The following SLC24A2 variants were observed in gnomAD, a reference collection of about 807,000 sequenced individuals.
SLC24A2 encodes sodium/potassium/calcium exchanger 2.
In SLC24A2, 36 loss-of-function variants were observed where a neutral mutation model predicts 62.0. That is an observed-to-expected ratio of 0.58 (90% CI 0.44 to 0.77). SLC24A2 has a LOEUF of 0.77. SLC24A2 is among the 30% of genes least tolerant of loss of function. The probability of loss-of-function intolerance (pLI) is 0.00; values close to 1 mark genes in which losing one functional copy is unlikely to be tolerated. For missense variants in SLC24A2, 846 were observed against 817.9 expected, an observed-to-expected ratio of 1.03 and a Z score of -0.42; for synonymous variants, 358 against 294.0, an observed-to-expected ratio of 1.22 and a Z score of -2.23.
the SLC24A2 span, among the ~76,000 whole-genome samples, chr9:20,082,957 T>C: frequency 6.6e-6 from 1 of 152,192 alleles, no homozygotes; most frequent in Admixed American, 6.5e-5. Context: ...TGTGTCTCAA[T>C]AGAGAAACAC....
At chr9:19,867,875 T>C in the SLC24A2 span, among the ~76,000 whole-genome samples, 8 of 152,088 alleles carry the variant, frequency 5.3e-5, no homozygotes, top group African/African-American at 1.7e-4. Context: ...CCCACTGCCC[T>C]CCAGCCTGGG....
At chr9:19,623,470 C>T (rs1207483143) in intron 2 of SLC24A2, among the ~76,000 whole-genome samples, 1 of 152,190 alleles carries the variant, frequency 6.6e-6, no homozygotes, top group Non-Finnish European at 1.5e-5. Flanking sequence ...GATGTCCCCA[C>T]ATCTCATCTA....
At chr9:20,110,901 T>C in the SLC24A2 span, among the ~76,000 whole-genome samples, 2 of 152,198 alleles carry the variant, frequency 1.3e-5, no homozygotes, top group African/African-American at 2.4e-5. Context: ...CAAATGAGGA[T>C]CCATTTTACA....
chr9:20,298,984 G>C, the SLC24A2 span, among the ~76,000 whole-genome samples: 3,515 of 152,298 alleles, frequency 0.023, 118 homozygotes, highest in African/African-American at 0.079. Context: ...TGCGGCCATG[G>C]AGGGTCTGAG....
At chr9:19,646,559 A>T (rs908260195) in intron 2 of SLC24A2, among the ~76,000 whole-genome samples, 1 of 152,164 alleles carries the variant, frequency 6.6e-6, no homozygotes, top group African/African-American at 2.4e-5. Flanking sequence ...GCAGGCCTCA[A>T]ATTGGGTGGG....
the SLC24A2 span, among the ~76,000 whole-genome samples, chr9:20,009,743 C>A: frequency 2.0e-5 from 3 of 152,158 alleles, no homozygotes; most frequent in Admixed American, 6.5e-5. Context: ...CAGGAGGCAA[C>A]CGGCAATTAC....
the SLC24A2 span, among the ~76,000 whole-genome samples, chr9:19,996,439 C>A: frequency 1.3e-5 from 2 of 151,970 alleles, no homozygotes; most frequent in Non-Finnish European, 2.9e-5. Flanking sequence ...TCACTCTTGG[C>A]GTTAAAGAAG....
the SLC24A2 span, among the ~76,000 whole-genome samples, chr9:20,203,937 A>G: frequency 6.6e-6 from 1 of 150,704 alleles, no homozygotes; most frequent in African/African-American, 2.4e-5. Flanking sequence ...GATGGGTGAA[A>G]CTCTTTTCCT....
chr9:20,065,247 G>T, the SLC24A2 span, among the ~76,000 whole-genome samples: 1 of 152,132 alleles, frequency 6.6e-6, no homozygotes, highest in Non-Finnish European at 1.5e-5. Flanking sequence ...GTAAGAGTGG[G>T]GTCTGAGATA....
At chr9:20,183,995 G>A in the SLC24A2 span, among the ~76,000 whole-genome samples, 1 of 152,162 alleles carries the variant, frequency 6.6e-6, no homozygotes, top group African/African-American at 2.4e-5. Flanking sequence ...CAGAATGGGA[G>A]AAAATATTTG....
chr9:19,990,922 G>GATATATATACGTGTATATATAT, the SLC24A2 span, among the ~76,000 whole-genome samples: 1 of 120,812 alleles, frequency 8.3e-6, no homozygotes, highest in East Asian at 2.1e-4. Context: ...GGACTAATAG[G>GATATATATACGTGTATATATAT]ATATATATAT....
At chr9:20,130,849 A>G in the SLC24A2 span, among the ~76,000 whole-genome samples, 1 of 152,046 alleles carries the variant, frequency 6.6e-6, no homozygotes, top group Non-Finnish European at 1.5e-5. Context: ...GGTGGAAAAA[A>G]TCATCCAAGA....
chr9:19,748,912 C>G (rs1821908799), intron 2 of SLC24A2, among the ~76,000 whole-genome samples: 1 of 151,708 alleles, frequency 6.6e-6, no homozygotes, highest in Admixed American at 6.6e-5. Flanking sequence ...TTAGAAACAA[C>G]AAGAGCCTCC....
the SLC24A2 span, among the ~76,000 whole-genome samples, chr9:20,221,664 A>G: frequency 6.6e-6 from 1 of 152,018 alleles, no homozygotes; most frequent in Non-Finnish European, 1.5e-5. Flanking sequence ...CCACAACTAG[A>G]TACACTGTAA....
At chr9:19,567,886 A>G (rs1235174982) in intron 7 of SLC24A2, among the ~76,000 whole-genome samples, 1 of 152,224 alleles carries the variant, frequency 6.6e-6, no homozygotes, top group Admixed American at 6.5e-5. Context: ...TTCCTCTGTG[A>G]GAGTATTTTA....
chr9:19,707,651 A>C (rs1820573685), intron 2 of SLC24A2, among the ~76,000 whole-genome samples: 1 of 152,182 alleles, frequency 6.6e-6, no homozygotes, highest in Non-Finnish European at 1.5e-5. Context: ...CAAAGACAAA[A>C]ACCACATGAT....
the SLC24A2 span, among the ~76,000 whole-genome samples, chr9:20,232,059 C>T: frequency 0.14 from 20,819 of 152,086 alleles, 1,689 homozygotes; most frequent in African/African-American, 0.22. Flanking sequence ...ATATGTTGAA[C>T]CAGCCTTGCA....
the SLC24A2 span, among the ~76,000 whole-genome samples, chr9:19,835,525 A>C: frequency 4.4e-4 from 67 of 152,360 alleles, no homozygotes; most frequent in African/African-American, 1.6e-3. Context: ...AGAAGACCTA[A>C]CTATCCTAAA....
the SLC24A2 span, among the ~76,000 whole-genome samples, chr9:20,081,198 A>G: frequency 5.9e-5 from 9 of 152,178 alleles, no homozygotes; most frequent in African/African-American, 1.7e-4. Flanking sequence ...TTGCGGCACT[A>G]TTCACAATAG....
Sources: allele counts gnomAD v4.1 joint callset (sites outside exome capture counted in the v4.1 genomes callset), GRCh38; gene constraint gnomAD v4.1.1; transcripts MANE v1.5; gene names NCBI Gene and HGNC (gene_info 2026-07-23, HGNC 2026-07-21).